CSTF1: variants seen among roughly 807,000 people sequenced by gnomAD.
CSTF1 encodes CF-1 50 kDa subunit.
A neutral mutation model predicts 40.9 loss-of-function variants in CSTF1; 2 were observed. The observed-to-expected ratio is 0.05, with a 90% CI of 0.02 to 0.15. The LOEUF (loss-of-function observed/expected upper bound fraction) is 0.15. Ranked by LOEUF, CSTF1 falls within the 10% of genes least tolerant of loss-of-function variation. The probability of loss-of-function intolerance (pLI) is 1.00; values close to 1 mark genes in which losing one functional copy is unlikely to be tolerated. For missense variants in CSTF1, 279 were observed against 558.9 expected, an observed-to-expected ratio of 0.50 and a Z score of 5.05; for synonymous variants, 218 against 207.2, an observed-to-expected ratio of 1.05 and a Z score of -0.45.
chr20:56,397,227 G>T lies in CSTF1; in HGVS notation c.190G>T (p.Ala64Ser), dbSNP rs143733259. ...TTCAGGAATGGAAAACGATGACACC[G>T]CAGTTCAGTATGCAATTGGTCGTTC... ...IKLGMENDDT[A>S]VQYAIGRSDT... Residue 64 changes from alanine (A) to serine (S), a missense_variant, in exon 3 of 6, where the codon GCA becomes TCA. By Grantham distance (99) the Ala-to-Ser change is moderately conservative. This residue lies in a region of CSTF1 where 66 missense variants were observed against 148.0 expected (regional missense o/e 0.45). Coordinates refer to ENST00000217109, the MANE Select transcript of CSTF1 (RefSeq NM_001324.3). The surrounding 1 kb of genome is among the most constrained non-coding windows in gnomAD (Gnocchi z 4.4). The T allele has an allele frequency of 1.2e-6, 2 of 1,613,760 alleles. No homozygotes were observed. The highest frequency in any genetic ancestry group is 1.7e-6 in the Non-Finnish European group (2 of 1,179,748).
chr20:56,404,025 G>A lies in CSTF1; in HGVS notation c.*298G>A, dbSNP rs75407746. On this transcript the variant is annotated 3_prime_UTR_variant, in exon 6 of 6. Transcript: ENST00000217109. ...TTGATCTCTTGATTGAAGGAGGATA[G>A]GGCATTAAAGTGCTTTTGACATGAG... The A allele has an allele frequency of 2.2e-3, 622 of 288,488 alleles. 5 individuals carry two copies. The highest frequency in any genetic ancestry group is 0.012 in the African/African-American group (587 of 47,242). 17.9% of individuals were successfully genotyped at this position (288,488 alleles called of 1,614,324 possible).
intron 1 of CSTF1, among the ~76,000 whole-genome samples, chr20:56,394,259 A>G (rs1987448789): frequency 6.6e-6 from 1 of 152,308 alleles, no homozygotes; most frequent in African/African-American, 2.4e-5. Context: ...ATTGGTTATT[A>G]TTAACACCAT....
At chr20:56,398,373 A>G (rs1353178623) in intron 4 of CSTF1, among the ~76,000 whole-genome samples, 1 of 152,206 alleles carries the variant, frequency 6.6e-6, no homozygotes, top group African/African-American at 2.4e-5. Context: ...GTTTATGGTC[A>G]GCCTGAGCAA....
upstream of CSTF1, chr20:56,392,423 G>T (rs1376311104): frequency 1.3e-5 from 2 of 152,306 alleles, no homozygotes; most frequent in Non-Finnish European, 2.9e-5. Context: ...GGCAGTCCCA[G>T]CCCCAGGGTG....
chr20:56,405,899 A>C lies in CSTF1; in HGVS notation c.*2172A>C, dbSNP rs1463859612. 6.6e-6 allele frequency: 1 copy of C among 152,208 alleles called. No individual in the cohort carries two copies. Among genetic ancestry groups the C allele is most frequent in the Admixed American group, 6.5e-5 (1 of 15,286 alleles). 9.4% of individuals were successfully genotyped at this position (152,208 alleles called of 1,614,324 possible). A position where few individuals can be genotyped will look rare whatever the true frequency, so the allele number is the denominator to read the frequency against. On this transcript the variant is annotated 3_prime_UTR_variant, in exon 6 of 6. Transcript: ENST00000217109. ...CTCTTAAACTGTAAAGGAGAGATTT[A>C]ATGTTTCCCTATTATTCTGCTTTGA...
Position 56,399,375 on chromosome 20 carries a change from G to A in CSTF1, c.1036+18G>A. On this transcript the variant is annotated intron_variant, in intron 5 of 5. Transcript: ENST00000217109. This position sits in a 1 kb window ranked among gnomAD's most constrained non-coding sequence, Gnocchi z 4.6. Reference sequence around the variant, plus strand: ...ATACACGGGTATGTGAGACGTTGATGTTACTTAACATTTCTGTAGTGTTTA... The same window carrying A: ...ATACACGGGTATGTGAGACGTTGATATTACTTAACATTTCTGTAGTGTTTA... 1.3e-6 allele frequency: 2 copies of A among 1,590,100 alleles called. No homozygotes were observed. The highest frequency in any genetic ancestry group is 2.2e-5 in the South Asian group (2 of 89,022).
In CSTF1 at chr20:56,403,520, C is replaced by T; in HGVS notation, c.1089C>T (p.His363=). 1 of 1,614,124 alleles carries T rather than the reference C, an allele frequency of 6.2e-7. No homozygotes were observed. The highest frequency in any genetic ancestry group is 8.5e-7 in the Non-Finnish European group (1 of 1,180,028). The change falls in exon 6 of 6, where the codon CAC becomes CAT. Residue 363 remains histidine (H), a synonymous_variant. Transcript: ENST00000217109. Reference sequence around the variant, plus strand: ...ACCGGACACAGGCTGTGTTTAACCACACCGAGGACTATGTGTTGCTGCCCG... The same window carrying T: ...ACCGGACACAGGCTGTGTTTAACCATACCGAGGACTATGTGTTGCTGCCCG... ...QVHRTQAVFN[H]TEDYVLLPDE...
chr20:56,395,074 A>G (rs955397842), intron 1 of CSTF1, among the ~76,000 whole-genome samples: 2 of 152,268 alleles, frequency 1.3e-5, no homozygotes, highest in African/African-American at 2.4e-5. Flanking sequence ...TAGTAAACAT[A>G]CAGCTCAGCT....
rs1240078521 is a variant in CSTF1, at chr20:56,399,848, G to A, written c.1036+491G>A. ...AGATATAAAGTAGGCTCAGCAGACA[G>A]AAAAAAATTGCATCCACTGAATTCT... is the stretch of plus-strand genomic sequence containing the variant. On this transcript the variant is annotated intron_variant, in intron 5 of 5. Transcript: ENST00000217109. This position sits in a 1 kb window ranked among gnomAD's most constrained non-coding sequence, Gnocchi z 4.6. Among the ~76,000 whole-genome samples, 1 of 152,160 alleles carries A rather than the reference G, an allele frequency of 6.6e-6. No individual in the cohort carries two copies. Among genetic ancestry groups the A allele is most frequent in the Non-Finnish European group, 1.5e-5 (1 of 68,006 alleles).
Position 56,395,751 on chromosome 20 carries a change from C to A in CSTF1, c.169+30C>A, listed in dbSNP as rs202199960. On this transcript the variant is annotated intron_variant, in intron 2 of 5. Transcript: ENST00000217109. The stretch of plus-strand genomic sequence containing the variant: ...ATTGTGAACACAAATCCATACGTCC[C>A]ATGGCAAGGTTTTAGATATTTTCAT... 32 of 1,603,484 alleles carry A rather than the reference C, an allele frequency of 2.0e-5. No individual in the cohort carries two copies. The East Asian group carries it at 7.2e-4, about 36-fold the overall frequency.
rs985045599 is a variant in CSTF1, at chr20:56,405,136, G to A, written c.*1409G>A. ...CTAGAAATATAATCTGGGATCATTTGATAAAAATAGTAAATAGATTGAAGT... is the reference window on the plus strand; with the variant it reads ...CTAGAAATATAATCTGGGATCATTTAATAAAAATAGTAAATAGATTGAAGT... On this transcript the variant is annotated 3_prime_UTR_variant, in exon 6 of 6. Transcript: ENST00000217109. 2 of 152,080 alleles carry A rather than the reference G, an allele frequency of 1.3e-5. No individual in the cohort carries two copies. Among genetic ancestry groups the A allele is most frequent in the Non-Finnish European group, 2.9e-5 (2 of 68,016 alleles). 9.4% of individuals were successfully genotyped at this position (152,080 alleles called of 1,614,324 possible).
At position 56,406,298 on chromosome 20, in the gene CSTF1, A is replaced by T. The variant is rs533245733; in HGVS notation, c.*2571A>T. Reference sequence around the variant, plus strand: ...GAATATCTGGTCAGGATACGAACTTATACCCTCTGTGTGTTTTTTTTTTTT... The same window carrying T: ...GAATATCTGGTCAGGATACGAACTTTTACCCTCTGTGTGTTTTTTTTTTTT... On this transcript the variant is annotated 3_prime_UTR_variant, in exon 6 of 6. Transcript: ENST00000217109. The T allele has an allele frequency of 3.3e-4, 50 of 151,728 alleles. No homozygotes were observed. The highest frequency in any genetic ancestry group is 1.2e-3 in the African/African-American group (50 of 41,326). 9.4% of individuals were successfully genotyped at this position (151,728 alleles called of 1,614,324 possible).
chr20:56,394,561 T>C (rs1987461728), intron 1 of CSTF1, among the ~76,000 whole-genome samples: 1 of 152,232 alleles, frequency 6.6e-6, no homozygotes. Context: ...CCCTCAAGCC[T>C]GGGCGACAGA....
intron 1 of CSTF1, among the ~76,000 whole-genome samples, chr20:56,394,015 T>C (rs1987430042): frequency 6.6e-6 from 1 of 152,172 alleles, no homozygotes; most frequent in Non-Finnish European, 1.5e-5. Context: ...TCTGGTGTGC[T>C]TTAACCTTGG....
rs546236855 is a variant in CSTF1, at chr20:56,403,733, C to T, written c.*6C>T. On this transcript the variant is annotated 3_prime_UTR_variant, in exon 6 of 6. Coordinates refer to ENST00000217109, the MANE Select transcript of CSTF1 (RefSeq NM_001324.3). ...GGAGATCGACCACTGACTGAGCCAC[C>T]CTCTCCGTAGGGTTCTTTCTCGAGG... The T allele has an allele frequency of 1.9e-6, 3 of 1,609,660 alleles. No homozygotes were observed. The African/African-American group carries it at 4.0e-5, about 21-fold the overall frequency.
rs185640670 is a variant in CSTF1, at chr20:56,406,094, G to A, written c.*2367G>A. ...ACTTTTATGTGTTTCAGAAGTAGCT[G>A]TTTTTTCATTTTTTGTGGGTTTGTT... On this transcript the variant is annotated 3_prime_UTR_variant, in exon 6 of 6. Coordinates refer to ENST00000217109, the MANE Select transcript of CSTF1 (RefSeq NM_001324.3). 22 of 143,182 alleles carry A rather than the reference G, an allele frequency of 1.5e-4. No individual in the cohort carries two copies. The East Asian group carries it at 4.4e-3, about 28-fold the overall frequency. The allele number at this position is 143,182 out of a possible 1,614,324, so 8.9% of individuals were successfully genotyped here. A position where few individuals can be genotyped will look rare whatever the true frequency, so the allele number is the denominator to read the frequency against.
Position 56,395,650 on chromosome 20 carries a change from G to A in CSTF1, c.98G>A (p.Gly33Asp). 6.2e-7 allele frequency: 1 copy of A among 1,614,170 alleles called. No individual in the cohort carries two copies. The highest frequency in any genetic ancestry group is 8.5e-7 in the Non-Finnish European group (1 of 1,180,038). Reference protein sequence around the residue: ...LYDGYISIANGLINEIKPQSV... With the variant: ...LYDGYISIANDLINEIKPQSV... The stretch of plus-strand genomic sequence containing the variant: ...GACGGCTACATCAGCATCGCCAATG[G>A]CCTCATCAATGAAATCAAGCCTCAG... Residue 33 changes from glycine to aspartate, a missense_variant, in exon 2 of 6, where the codon GGC becomes GAC. Gly to Asp is a moderately conservative substitution (Grantham distance 94). Around this residue, in one of 4 missense-constraint regions of CSTF1, gnomAD observed 51 missense variants for 55.0 expected, o/e 0.93. Coordinates refer to ENST00000217109, the MANE Select transcript of CSTF1 (RefSeq NM_001324.3).
At chr20:56,401,099 G>A (rs1978430505) in intron 5 of CSTF1, among the ~76,000 whole-genome samples, 3 of 151,932 alleles carry the variant, frequency 2.0e-5, no homozygotes, top group Admixed American at 6.6e-5. Context: ...GATGAAAAAG[G>A]AAAAACTATC....
intron 1 of CSTF1, 92 bp from the exon 2 acceptor site, chr20:56,395,429 C>G (rs1166605688): frequency 1.2e-5 from 9 of 737,134 alleles, no homozygotes; most frequent in Admixed American, 3.1e-5. Flanking sequence ...GGATTTGAGT[C>G]CTGCAAGATT....
Sources: gnomAD v4.1 joint callset for allele counts (sites outside exome capture counted in the v4.1 genomes callset) on GRCh38, gnomAD v4.1.1 for gene constraint, gnomAD v4.1.1 regional missense constraint, Gnocchi (gnomAD v3.1) non-coding constraint, MANE v1.5 for transcripts, NCBI Gene and HGNC (gene_info 2026-07-23, HGNC 2026-07-21) for gene names.